The following COL5A2 variants were observed in gnomAD, a reference collection of about 807,000 sequenced individuals.
The protein encoded by COL5A2 is collagen type V alpha 2 chain, also known as collagen alpha-2(V) chain.
COL5A2 carries 23 observed loss-of-function variants against 208.2 expected under a neutral mutation model. The ratio of observed to expected loss-of-function variants is 0.11; its 90% confidence interval spans 0.08 to 0.16. The LOEUF is 0.16. COL5A2 is among the 10% of genes least tolerant of loss of function. The probability of loss-of-function intolerance (pLI) is 1.00; values close to 1 mark genes in which losing one functional copy is unlikely to be tolerated. For synonymous variants in COL5A2, 625 were observed against 628.5 expected, an observed-to-expected ratio of 0.99 and a Z score of 0.08; for missense variants, 1,590 against 1,956.4, an observed-to-expected ratio of 0.81 and a Z score of 3.53.
chr2:189,063,763 G>A (rs907000518), intron 26 of COL5A2, among the ~76,000 whole-genome samples: 9 of 152,132 alleles, frequency 5.9e-5, no homozygotes, highest in Non-Finnish European at 2.9e-5. Context: ...AGGCAGGGAA[G>A]CAATTCAATC....
At chr2:189,219,204 CTTACT>C (rs1559148866) in intron 1 of COL5A2, among the ~76,000 whole-genome samples, 1 of 152,114 alleles carries the variant, frequency 6.6e-6, no homozygotes, top group Non-Finnish European at 1.5e-5. Context: ...TTGGTTATGC[CTTACT>C]TTAAGGTTAA....
intron 15 of COL5A2, among the ~76,000 whole-genome samples, chr2:189,078,814 T>C (rs1686470668): frequency 6.6e-6 from 1 of 152,112 alleles, no homozygotes; most frequent in Admixed American, 6.6e-5. Context: ...CTTGATTTGA[T>C]CACTGAGTAT....
At chr2:189,053,594 A>G (rs1685837649) in intron 37 of COL5A2, 117 bp from the exon 38 acceptor site, 1 of 969,936 alleles carries the variant, frequency 1.0e-6, no homozygotes, top group African/African-American at 1.6e-5. Flanking sequence ...AAAATTACAC[A>G]TATTGCTTAA....
chr2:189,332,010 G>A, the COL5A2 span, among the ~76,000 whole-genome samples: 9 of 150,626 alleles, frequency 6.0e-5, no homozygotes, highest in Non-Finnish European at 7.4e-5. Flanking sequence ...AATATATACC[G>A]AGACATTGTG....
the COL5A2 span, among the ~76,000 whole-genome samples, chr2:189,347,298 G>A: frequency 6.6e-6 from 1 of 151,994 alleles, no homozygotes; most frequent in Non-Finnish European, 1.5e-5. Flanking sequence ...TTATGGGGAC[G>A]CTTACATGAA....
At chr2:189,306,174 T>C in the COL5A2 span, among the ~76,000 whole-genome samples, 1 of 152,092 alleles carries the variant, frequency 6.6e-6, no homozygotes, top group Non-Finnish European at 1.5e-5. Flanking sequence ...ATGTTTCCAA[T>C]AGAAAGATTG....
chr2:189,143,536 C>T (rs1023036825), intron 1 of COL5A2, among the ~76,000 whole-genome samples: 3 of 152,160 alleles, frequency 2.0e-5, no homozygotes, highest in African/African-American at 7.2e-5. Flanking sequence ...TAGAATGAGG[C>T]TTCTTTGATG....
the COL5A2 span, among the ~76,000 whole-genome samples, chr2:189,260,354 A>G: frequency 1.3e-5 from 2 of 152,200 alleles, no homozygotes; most frequent in Non-Finnish European, 2.9e-5. Context: ...TTGGCAACTA[A>G]GAGTATTTGG....
chr2:189,286,073 T>C, the COL5A2 span, among the ~76,000 whole-genome samples: 1 of 151,724 alleles, frequency 6.6e-6, no homozygotes, highest in East Asian at 1.9e-4. Flanking sequence ...AGGGTACCTC[T>C]AGAAAAGCTC....
At chr2:189,265,984 C>T in the COL5A2 span, among the ~76,000 whole-genome samples, 5 of 152,034 alleles carry the variant, frequency 3.3e-5, no homozygotes, top group Admixed American at 6.6e-5. Flanking sequence ...TGAAAACATA[C>T]GTTTACACAA....
chr2:189,171,295 A>C (rs1688568942), intron 1 of COL5A2, among the ~76,000 whole-genome samples: 1 of 152,190 alleles, frequency 6.6e-6, no homozygotes, highest in Admixed American at 6.5e-5. Context: ...GGACCCAATG[A>C]AAGTTGTTAA....
At chr2:189,435,698 G>A in the COL5A2 span, among the ~76,000 whole-genome samples, 1 of 152,194 alleles carries the variant, frequency 6.6e-6, no homozygotes. Flanking sequence ...AGAGGATGTG[G>A]AGAAGTAGGA....
At chr2:189,049,843 C>T (rs1357304100) in intron 43 of COL5A2, among the ~76,000 whole-genome samples, 1 of 152,174 alleles carries the variant, frequency 6.6e-6, no homozygotes, top group East Asian at 1.9e-4. Context: ...AGAGATTTTA[C>T]TTTCACATTC....
the COL5A2 span, among the ~76,000 whole-genome samples, chr2:189,433,475 T>A: frequency 6.6e-6 from 1 of 151,474 alleles, no homozygotes; most frequent in Non-Finnish European, 1.5e-5. Flanking sequence ...ATCAAATAGA[T>A]GCAATAAAAA....
At chr2:189,092,063 A>G (rs528526990) in intron 7 of COL5A2, among the ~76,000 whole-genome samples, 2 of 152,298 alleles carry the variant, frequency 1.3e-5, no homozygotes, top group South Asian at 4.1e-4. Flanking sequence ...CAAAGCACAT[A>G]GAGTCTAGAG....
chr2:189,134,936 A>G (rs1211011647), intron 1 of COL5A2, among the ~76,000 whole-genome samples: 1 of 151,276 alleles, frequency 6.6e-6, no homozygotes, highest in Admixed American at 6.6e-5. Flanking sequence ...TGAAATTAGT[A>G]CAGACTGAGA....
the COL5A2 span, among the ~76,000 whole-genome samples, chr2:189,373,965 T>C: frequency 6.6e-6 from 1 of 152,142 alleles, no homozygotes; most frequent in African/African-American, 2.4e-5. Context: ...AGTGGGACAA[T>C]GTGCTCTTGA....
the COL5A2 span, among the ~76,000 whole-genome samples, chr2:189,406,559 C>T: frequency 6.6e-6 from 1 of 152,108 alleles, no homozygotes; most frequent in Non-Finnish European, 1.5e-5. Context: ...AGAAAATGTA[C>T]TTCTTTGGCT....
chr2:189,315,598 A>C, the COL5A2 span, among the ~76,000 whole-genome samples: 1 of 152,206 alleles, frequency 6.6e-6, no homozygotes, highest in Non-Finnish European at 1.5e-5. Context: ...GGGCAAGAGA[A>C]AGAAAGAAAG....
Sources: gnomAD v4.1 joint callset for allele counts (sites outside exome capture counted in the v4.1 genomes callset) on GRCh38, gnomAD v4.1.1 for gene constraint, MANE v1.5 for transcripts, NCBI Gene and HGNC (gene_info 2026-07-23, HGNC 2026-07-21) for gene names.